Variants in KCTD8 observed in about 807,000 individuals in gnomAD.
KCTD8 encodes potassium channel tetramerization domain containing 8.
In KCTD8, 27 loss-of-function variants were observed where a neutral mutation model predicts 31.5. The ratio of observed to expected loss-of-function variants is 0.86; its 90% CI spans 0.63 to 1.18. The LOEUF (loss-of-function observed/expected upper bound fraction) is 1.18, where lower values mean the gene tolerates loss of function less well. KCTD8 is among the 50% of genes most tolerant of loss of function. The pLI, the probability that KCTD8 is intolerant of heterozygous loss-of-function variation, is 0.00. For synonymous variants in KCTD8, 290 were observed against 280.0 expected, an observed-to-expected ratio of 1.04 and a Z score of -0.36; for missense variants, 658 against 647.7, an observed-to-expected ratio of 1.02 and a Z score of -0.17.
At chr4:44,438,382 C>T (rs1267406799) in intron 1 of KCTD8, among the ~76,000 whole-genome samples, 1 of 152,124 alleles carries the variant, frequency 6.6e-6, no homozygotes, top group Non-Finnish European at 1.5e-5. Flanking sequence ...TGTCATTTTG[C>T]ATAAAACTGT....
intron 1 of KCTD8, among the ~76,000 whole-genome samples, chr4:44,411,191 C>T (rs1720944946): frequency 6.6e-6 from 1 of 151,744 alleles, no homozygotes; most frequent in Non-Finnish European, 1.5e-5. Flanking sequence ...AAAAGTGGGC[C>T]AGGTATAGTG....
intron 1 of KCTD8, among the ~76,000 whole-genome samples, chr4:44,352,301 G>A (rs922951186): frequency 6.6e-6 from 1 of 151,914 alleles, no homozygotes; most frequent in African/African-American, 2.4e-5. Context: ...TGTGATGATG[G>A]TTAGCCTGTA....
intron 1 of KCTD8, among the ~76,000 whole-genome samples, chr4:44,373,253 C>G (rs1408255366): frequency 3.3e-5 from 5 of 151,836 alleles, no homozygotes; most frequent in Non-Finnish European, 7.4e-5. Context: ...CCCAGCTACT[C>G]AGGAGGCTGA....
chr4:44,342,056 ATTTTCAG>A (rs1718915722), intron 1 of KCTD8, among the ~76,000 whole-genome samples: 1 of 152,116 alleles, frequency 6.6e-6, no homozygotes, highest in Admixed American at 6.5e-5. Context: ...GACCAAGTGC[ATTTTCAG>A]TAAGCAGTAA....
chr4:44,443,610 A>C (rs1296592534), intron 1 of KCTD8, among the ~76,000 whole-genome samples: 1 of 152,184 alleles, frequency 6.6e-6, no homozygotes, highest in African/African-American at 2.4e-5. Context: ...CAAACAAAAA[A>C]AGATATACCA....
intron 1 of KCTD8, among the ~76,000 whole-genome samples, chr4:44,207,201 A>G (rs1197251356): frequency 1.3e-5 from 2 of 152,204 alleles, no homozygotes; most frequent in Non-Finnish European, 2.9e-5. Context: ...GCCTGCACCC[A>G]GTAAGTATTC....
intron 1 of KCTD8, among the ~76,000 whole-genome samples, chr4:44,230,032 A>C (rs750464108): frequency 6.6e-5 from 10 of 151,674 alleles, no homozygotes; most frequent in South Asian, 2.1e-4. Context: ...ATGTGTTCTA[A>C]GGCCTTATTA....
At chr4:44,243,821 G>T (rs965820619) in intron 1 of KCTD8, among the ~76,000 whole-genome samples, 2 of 152,226 alleles carry the variant, frequency 1.3e-5, no homozygotes, top group Non-Finnish European at 2.9e-5. Flanking sequence ...GCTGGTGATA[G>T]AAACATTTTT....
intron 1 of KCTD8, among the ~76,000 whole-genome samples, chr4:44,344,072 T>C (rs1560431447): frequency 6.6e-6 from 1 of 152,142 alleles, no homozygotes; most frequent in Non-Finnish European, 1.5e-5. Context: ...TTGGCCAGGA[T>C]GGTCTTGATT....
rs545138463 is a variant in KCTD8 at position 44,348,178 on chromosome 4, T to C, written c.961+99385A>G. On this transcript the variant is annotated intron_variant, in intron 1 of 1. Coordinates refer to ENST00000360029, the MANE Select transcript of KCTD8 (RefSeq NM_198353.3). ...ATGCAACTTTGCACGGTAAAGACAT[T>C]GTAGGTCAGCTATGAAAATCACTAA... Among the ~76,000 whole-genome samples the C allele has an allele frequency of 2.5e-4, 38 of 152,250 alleles. 1 individual carries two copies. In the South Asian group the frequency reaches 7.3e-3, roughly 29 times the overall value.
intron 1 of KCTD8, among the ~76,000 whole-genome samples, chr4:44,430,699 G>T (rs1016898039): frequency 6.6e-6 from 1 of 151,548 alleles, no homozygotes; most frequent in Non-Finnish European, 1.5e-5. Flanking sequence ...AATTCTCATG[G>T]ATTTGGCTAT....
chr4:44,180,889 G>T (rs949697938), intron 1 of KCTD8, among the ~76,000 whole-genome samples: 1 of 151,990 alleles, frequency 6.6e-6, no homozygotes, highest in African/African-American at 2.4e-5. Flanking sequence ...AGCATTAAAA[G>T]GTTACCATGA....
chr4:44,255,412 T>G lies in KCTD8; in HGVS notation c.962-80162A>C, dbSNP rs531544993. ...ACCTGAAGATTTTTTCTCTTTTGTT[T>G]CCTTATACATTATCTAAGCATTTAA... is the stretch of plus-strand genomic sequence containing the variant. On this transcript the variant is annotated intron_variant, in intron 1 of 1. Coordinates refer to ENST00000360029, the MANE Select transcript of KCTD8 (RefSeq NM_198353.3). 2.6e-4 allele frequency among the ~76,000 whole-genome samples: 39 copies of G among 152,086 alleles called. No homozygotes were observed. The South Asian group carries it at 7.0e-3, about 27-fold the overall frequency.
intron 1 of KCTD8, among the ~76,000 whole-genome samples, chr4:44,214,119 T>A (rs1714575718): frequency 6.6e-6 from 1 of 152,180 alleles, no homozygotes; most frequent in South Asian, 2.1e-4. Flanking sequence ...ACCTATTATT[T>A]TCTAAAAAGC....
Position 44,298,263 on chromosome 4 carries a change from A to T in KCTD8, c.962-123013T>A, listed in dbSNP as rs556590439. On this transcript the variant is annotated intron_variant, in intron 1 of 1. Transcript: ENST00000360029. ...AGGCTCAGACCCCTTCCTTTCCCAT[A>T]AATAGTCTGTCAGTCTTCTGTTTCG... Among the ~76,000 whole-genome samples the T allele has an allele frequency of 1.2e-4, 18 of 152,226 alleles. No homozygotes were observed. In the South Asian group the frequency reaches 3.3e-3, roughly 28 times the overall value.
intron 1 of KCTD8, among the ~76,000 whole-genome samples, chr4:44,429,495 T>C (rs778961376): frequency 4.2e-4 from 64 of 151,850 alleles, no homozygotes; most frequent in Non-Finnish European, 6.8e-4. Context: ...GGAGGCATGC[T>C]GAGGACAACA....
At chr4:44,215,277 G>A (rs1714614593) in intron 1 of KCTD8, among the ~76,000 whole-genome samples, 2 of 152,008 alleles carry the variant, frequency 1.3e-5, no homozygotes, top group South Asian at 2.1e-4. Flanking sequence ...CTAGGCAGCA[G>A]GCAAGGAGAA....
chr4:44,375,026 A>C (rs1322243107), intron 1 of KCTD8, among the ~76,000 whole-genome samples: 2 of 152,208 alleles, frequency 1.3e-5, no homozygotes, highest in Admixed American at 1.3e-4. Context: ...AAAGTGCAGT[A>C]AAACAAGGTA....
intron 1 of KCTD8, among the ~76,000 whole-genome samples, chr4:44,207,341 A>G (rs1227257729): frequency 1.3e-5 from 2 of 152,138 alleles, no homozygotes; most frequent in Non-Finnish European, 2.9e-5. Context: ...TGGCCATCCT[A>G]TTTTAAATCA....
Sources: gnomAD v4.1 joint callset for allele counts (sites outside exome capture counted in the v4.1 genomes callset) on GRCh38, gnomAD v4.1.1 for gene constraint, MANE v1.5 for transcripts, NCBI Gene and HGNC (gene_info 2026-07-23, HGNC 2026-07-21) for gene names.